GPC3: variants seen among roughly 807,000 people sequenced by gnomAD.
The protein encoded by GPC3 is glypican 3.
A neutral mutation model predicts 34.4 loss-of-function variants in GPC3; 3 were observed. The observed-to-expected ratio is 0.09, with a 90% CI of 0.04 to 0.23. The LOEUF (loss-of-function observed/expected upper bound fraction) is 0.23. GPC3 is among the 10% of genes least tolerant of loss of function. GPC3 has a pLI of 1.00. For synonymous variants in GPC3, 177 were observed against 174.0 expected, an observed-to-expected ratio of 1.02 and a Z score of -0.13; for missense variants, 351 against 445.6, an observed-to-expected ratio of 0.79 and a Z score of 1.91.
chrX:133,701,061 A>C (rs2071163255), intron 3 of GPC3, among the ~76,000 whole-genome samples: 1 of 110,965 alleles, frequency 9.0e-6, no homozygotes, highest in African/African-American at 3.3e-5. Flanking sequence ...TTCATTCAAA[A>C]ATATTTATTG....
At chrX:133,856,863 C>G (rs1419795972) in intron 2 of GPC3, among the ~76,000 whole-genome samples, 1 of 111,496 alleles carries the variant, frequency 9.0e-6, no homozygotes, top group Non-Finnish European at 1.9e-5. Context: ...ACTTTTAGGC[C>G]CTATCTCCAC....
At chrX:133,619,011 TAA>T (rs951539857) in intron 6 of GPC3, among the ~76,000 whole-genome samples, 1 of 108,954 alleles carries the variant, frequency 9.2e-6, no homozygotes, top group African/African-American at 3.3e-5. Context: ...ATACCCAATT[TAA>T]AAAAAAATGG....
chrX:133,890,490 G>A (rs2076081645), intron 2 of GPC3, among the ~76,000 whole-genome samples: 2 of 110,794 alleles, frequency 1.8e-5, no homozygotes, highest in Non-Finnish European at 3.8e-5. Flanking sequence ...GGCCAAGGCA[G>A]GAGGATCCCT....
chrX:133,864,559 C>T (rs146733331), intron 2 of GPC3, among the ~76,000 whole-genome samples: 2,045 of 111,881 alleles, frequency 0.018, 53 homozygotes, highest in African/African-American at 0.063. Flanking sequence ...TGCCTAATCT[C>T]TATGAATACC....
Position 133,539,115 on chromosome X carries a change from T to TA in GPC3, c.1574-2823dup, listed in dbSNP as rs1318358134. Among the ~76,000 whole-genome samples, 16 of 109,389 alleles carry TA rather than the reference T, an allele frequency of 1.5e-4. No homozygotes were observed. The Admixed American group carries it at 1.6e-3, about 11-fold the overall frequency. 95.0% of individuals were successfully genotyped at this position (109,389 alleles called of 115,157 possible). A position where few individuals can be genotyped will look rare whatever the true frequency, so the allele number is the denominator to read the frequency against. On this transcript the variant is annotated intron_variant, in intron 7 of 7. Transcript: ENST00000370818. The stretch of plus-strand genomic sequence containing the variant: ...CCTCACTGTAGGCCAGGCACTGTGT[T>TA]AAACTATTTCCGTACATTATTTCAT...
chrX:133,809,037 G>A (rs747774007), intron 2 of GPC3, among the ~76,000 whole-genome samples: 27 of 111,916 alleles, frequency 2.4e-4, no homozygotes, highest in Non-Finnish European at 1.5e-4. Context: ...TCAACGGTGT[G>A]GAAAAGAGAC....
intron 2 of GPC3, among the ~76,000 whole-genome samples, chrX:133,940,441 T>G (rs2076340995): frequency 8.9e-6 from 1 of 111,933 alleles, no homozygotes; most frequent in South Asian, 3.8e-4. Flanking sequence ...CTTGGACAAA[T>G]TGGTTAATAG....
intron 6 of GPC3, among the ~76,000 whole-genome samples, chrX:133,629,911 A>C (rs1297769262): frequency 4.6e-5 from 5 of 109,342 alleles, no homozygotes; most frequent in Non-Finnish European, 9.5e-5. Context: ...AAAATTAGTC[A>C]GGCATGGTGG....
intron 2 of GPC3, among the ~76,000 whole-genome samples, chrX:133,846,230 A>G (rs188131746): frequency 8.9e-5 from 10 of 112,350 alleles, no homozygotes; most frequent in South Asian, 7.5e-4. Flanking sequence ...TTACAAATTA[A>G]CAGAATACTG....
At chrX:133,875,147 T>C in intron 2 of GPC3, among the ~76,000 whole-genome samples, 1 of 112,024 alleles carries the variant, frequency 8.9e-6, no homozygotes, top group Middle Eastern at 4.6e-3. Context: ...GCTGGTTAGC[T>C]TGATCCAACA....
intron 2 of GPC3, among the ~76,000 whole-genome samples, chrX:133,933,727 C>T (rs143143454): frequency 0.036 from 4,008 of 110,037 alleles, 67 homozygotes; most frequent in East Asian, 0.098. Context: ...GCTTTCGGCA[C>T]GTGATGTTGC....
intron 7 of GPC3, among the ~76,000 whole-genome samples, chrX:133,583,168 C>T (rs1243120877): frequency 9.0e-6 from 1 of 110,912 alleles, no homozygotes; most frequent in African/African-American, 3.3e-5. Context: ...TTCTTTCCCC[C>T]AGCCTGAAAA....
intron 2 of GPC3, among the ~76,000 whole-genome samples, chrX:133,857,328 TTTAA>T (rs755649422): frequency 8.9e-6 from 1 of 112,830 alleles, no homozygotes; most frequent in South Asian, 3.7e-4. Context: ...TAAAAGTTTG[TTTAA>T]TTAACTTGGA....
intron 5 of GPC3, among the ~76,000 whole-genome samples, chrX:133,685,153 C>T (rs1394761797): frequency 1.8e-5 from 2 of 111,497 alleles, no homozygotes; most frequent in African/African-American, 6.5e-5. Context: ...TCAAAATATA[C>T]CGTGTTCTTA....
intron 6 of GPC3, among the ~76,000 whole-genome samples, chrX:133,615,888 A>G (rs953031526): frequency 2.3e-4 from 26 of 111,592 alleles, no homozygotes; most frequent in Non-Finnish European, 2.4e-4. Context: ...TCAACAAACT[A>G]GTAATAAAAG....
chrX:133,910,534 T>C (rs999271267), intron 2 of GPC3, among the ~76,000 whole-genome samples: 7 of 112,273 alleles, frequency 6.2e-5, no homozygotes, highest in African/African-American at 2.3e-4. Flanking sequence ...TTGGACTAAA[T>C]GATCTTCATA....
At chrX:133,558,264 C>T (rs2069508518) in intron 7 of GPC3, among the ~76,000 whole-genome samples, 1 of 102,402 alleles carries the variant, frequency 9.8e-6, no homozygotes, top group Non-Finnish European at 2.0e-5. Flanking sequence ...AGCCTAAGAC[C>T]AAGTTTAGGA....
chrX:133,720,429 G>A (rs1241490083), intron 3 of GPC3, among the ~76,000 whole-genome samples: 1 of 111,516 alleles, frequency 9.0e-6, no homozygotes, highest in African/African-American at 3.3e-5. Context: ...CATGAGATCC[G>A]ATGGTTTTAT....
chrX:133,651,177 T>C (rs1236505866), intron 6 of GPC3, among the ~76,000 whole-genome samples: 1 of 109,948 alleles, frequency 9.1e-6, no homozygotes, highest in African/African-American at 3.3e-5. Flanking sequence ...AGTATTTTTC[T>C]TTTTTCTTTT....
Sources: gnomAD v4.1 joint callset for allele counts (sites outside exome capture counted in the v4.1 genomes callset) on GRCh38, gnomAD v4.1.1 for gene constraint, MANE v1.5 for transcripts, NCBI Gene and HGNC (gene_info 2026-07-23, HGNC 2026-07-21) for gene names.